KRCC1: variants seen among roughly 807,000 people sequenced by gnomAD.
KRCC1 encodes lysine-rich coiled-coil protein 1.
Under a neutral mutation model 7.4 loss-of-function variants are expected in KRCC1, and 3 were observed. The observed-to-expected ratio is 0.40, with a 90% CI of 0.18 to 1.04. KRCC1 has a LOEUF of 1.04. KRCC1 is among the 50% of genes least tolerant of loss of function. The pLI, the probability that KRCC1 is intolerant of heterozygous loss-of-function variation, is 0.33. For synonymous variants in KRCC1, 102 were observed against 101.6 expected (o/e 1.00, Z -0.02); for missense variants, 277 against 300.9 (o/e 0.92, Z 0.59).
At chr2:88,043,096 T>A (rs1673248804) in intron 1 of KRCC1, among the ~76,000 whole-genome samples, 1 of 152,214 alleles carries the variant, frequency 6.6e-6, no homozygotes, top group Non-Finnish European at 1.5e-5. Flanking sequence ...ATTTTGTTGA[T>A]ATTTGAAATA....
At chr2:88,052,033 T>C (rs1021705485) in intron 1 of KRCC1, among the ~76,000 whole-genome samples, 2 of 152,268 alleles carry the variant, frequency 1.3e-5, no homozygotes, top group African/African-American at 4.8e-5. Flanking sequence ...TTGCTCACCA[T>C]GTTCCTCGTG....
chr2:88,050,216 A>G (rs1673441279), intron 1 of KRCC1, among the ~76,000 whole-genome samples: 1 of 152,232 alleles, frequency 6.6e-6, no homozygotes, highest in Admixed American at 6.5e-5. Flanking sequence ...AATATCATGG[A>G]AACAAACGAA....
chr2:88,031,326 G>GAA (rs199529374), intron 3 of KRCC1, among the ~76,000 whole-genome samples: 6 of 145,884 alleles, frequency 4.1e-5, no homozygotes, highest in Admixed American at 4.1e-4. Context: ...TTTAACAAGT[G>GAA]AAAAAAAAAA....
intron 3 of KRCC1, 57 bp from the exon 4 acceptor site, chr2:88,028,642 C>CTTTTTTT (rs1419047999): frequency 8.8e-6 from 6 of 682,184 alleles, no homozygotes; most frequent in Admixed American, 8.9e-5. Context: ...ATTTCCTTTG[C>CTTTTTTT]TCTTTTTTTT....
chr2:88,053,941 A>C (rs1300502125), intron 1 of KRCC1, among the ~76,000 whole-genome samples: 1 of 152,220 alleles, frequency 6.6e-6, no homozygotes, highest in African/African-American at 2.4e-5. Flanking sequence ...AAGGCAACAC[A>C]GCAAACACTA....
chr2:88,042,639 T>C (rs1225134075), intron 1 of KRCC1, among the ~76,000 whole-genome samples: 1 of 152,154 alleles, frequency 6.6e-6, no homozygotes, highest in Non-Finnish European at 1.5e-5. Flanking sequence ...CAAGCTGGTC[T>C]TGATCTCCTG....
At chr2:88,049,776 TA>T (rs775046329) in intron 1 of KRCC1, among the ~76,000 whole-genome samples, 15 of 152,254 alleles carry the variant, frequency 9.9e-5, no homozygotes, top group Non-Finnish European at 1.8e-4. Flanking sequence ...TACTGACACC[TA>T]ATAAAGGCAG....
intron 3 of KRCC1, among the ~76,000 whole-genome samples, chr2:88,031,648 A>C (rs1401441568): frequency 6.6e-6 from 1 of 151,844 alleles, no homozygotes; most frequent in East Asian, 1.9e-4. Flanking sequence ...AAAAATAAAA[A>C]AAAAGTTAAG....
chr2:88,037,228 G>A (rs1165410644), intron 1 of KRCC1, among the ~76,000 whole-genome samples, 177 bp from the exon 2 acceptor site: 1 of 152,052 alleles, frequency 6.6e-6, no homozygotes, highest in African/African-American at 2.4e-5. Context: ...AAAATATTTA[G>A]TAAGACTGTA....
In KRCC1 at chr2:88,027,863, C is replaced by A. The variant is rs764250815; in HGVS notation, c.701G>T (p.Arg234Leu). The A allele has an allele frequency of 6.2e-7, 1 of 1,611,550 alleles. No homozygotes were observed. ...GCCTTGTTCCTTTTTCTTTTTTGTA[C>A]GCTTACGTTCCTCTTTCTTAGAGAC... ...DVVSKKEERKRTKKKKEQGQE... is the reference protein window; with the variant it reads ...DVVSKKEERKLTKKKKEQGQE... The change falls in exon 4 of 4, where the codon CGT becomes CTT. Residue 234 changes from arginine to leucine, a missense_variant. By Grantham distance (102) the Arg-to-Leu change is moderately radical (BLOSUM62 -2). Transcript: ENST00000347055.
chr2:88,036,144 T>C (rs969634979), intron 2 of KRCC1, among the ~76,000 whole-genome samples: 7 of 152,164 alleles, frequency 4.6e-5, no homozygotes, highest in African/African-American at 1.7e-4. Flanking sequence ...CAGCAGGCCT[T>C]ATGTTTCATT....
At chr2:88,033,185 A>G (rs186655781) in intron 3 of KRCC1, among the ~76,000 whole-genome samples, 10 of 152,244 alleles carry the variant, frequency 6.6e-5, no homozygotes, top group Non-Finnish European at 1.3e-4. Context: ...TTAAATACAT[A>G]CAGTTTATTA....
intron 1 of KRCC1, among the ~76,000 whole-genome samples, chr2:88,050,535 A>G (rs888681288): frequency 5.3e-5 from 8 of 152,238 alleles, no homozygotes; most frequent in Non-Finnish European, 1.0e-4. Flanking sequence ...AGGCAAGAGA[A>G]TCACTTGAAC....
intron 1 of KRCC1, among the ~76,000 whole-genome samples, chr2:88,046,703 T>C (rs1200957532): frequency 6.6e-6 from 1 of 152,238 alleles, no homozygotes; most frequent in Non-Finnish European, 1.5e-5. Context: ...CATGGTCTCA[T>C]TCTGTCACCC....
chr2:88,051,735 T>C (rs561361903), intron 1 of KRCC1, among the ~76,000 whole-genome samples: 2 of 152,248 alleles, frequency 1.3e-5, no homozygotes, highest in Non-Finnish European at 2.9e-5. Flanking sequence ...ACTTTTTGAA[T>C]GTCAGCCATT....
chr2:88,029,626 C>G, intron 3 of KRCC1, among the ~76,000 whole-genome samples: 1 of 151,790 alleles, frequency 6.6e-6, no homozygotes, highest in South Asian at 2.1e-4. Context: ...AGGGAAGAAA[C>G]AGGGGTGAAA....
In KRCC1 at chr2:88,027,861, T is replaced by C; in HGVS notation, c.703A>G (p.Thr235Ala). 1 of 1,611,844 alleles carries C rather than the reference T, an allele frequency of 6.2e-7. No homozygotes were observed. Among genetic ancestry groups the C allele is most frequent in the Non-Finnish European group, 8.5e-7 (1 of 1,179,612 alleles). ...VVSKKEERKR[T>A]KKKKEQGQER... Reference sequence around the variant, plus strand: ...TGGCCTTGTTCCTTTTTCTTTTTTGTACGCTTACGTTCCTCTTTCTTAGAG... The same window carrying C: ...TGGCCTTGTTCCTTTTTCTTTTTTGCACGCTTACGTTCCTCTTTCTTAGAG... Residue 235 changes from threonine (T) to alanine (A), a missense_variant, in exon 4 of 4, where the codon ACA becomes GCA. Thr to Ala is a moderately conservative substitution (Grantham distance 58, BLOSUM62 0). Coordinates refer to ENST00000347055, the MANE Select transcript of KRCC1 (RefSeq NM_016618.3).
intron 2 of KRCC1, among the ~76,000 whole-genome samples, chr2:88,035,913 C>T (rs960377162): frequency 6.6e-6 from 1 of 152,122 alleles, no homozygotes; most frequent in Non-Finnish European, 1.5e-5. Flanking sequence ...CAGAGATTGT[C>T]ACTTCCATTT....
chr2:88,036,853 T>C (rs1354844492), intron 2 of KRCC1, 90 bp downstream of exon 2: 2 of 152,220 alleles, frequency 1.3e-5, no homozygotes, highest in African/African-American at 2.4e-5. Flanking sequence ...ATACTTTTCT[T>C]GTATGGATTA....
Sources: allele counts gnomAD v4.1 joint callset (sites outside exome capture counted in the v4.1 genomes callset), GRCh38; gene constraint gnomAD v4.1.1; transcripts MANE v1.5; gene names NCBI Gene and HGNC (gene_info 2026-07-23, HGNC 2026-07-21).